Variants in SGMS1 observed in about 807,000 individuals in gnomAD.
SGMS1 encodes sphingomyelin synthase 1, also known as phosphatidylcholine:ceramide cholinephosphotransferase 1.
A neutral mutation model predicts 46.2 loss-of-function variants in SGMS1; 13 were observed. That is an observed-to-expected ratio of 0.28 (90% CI 0.18 to 0.45). The LOEUF (loss-of-function observed/expected upper bound fraction) is 0.45, where lower values mean the gene tolerates loss of function less well. Ranked by LOEUF, SGMS1 falls within the 20% of genes least tolerant of loss-of-function variation. The pLI is 1.00. For missense variants in SGMS1, 324 were observed against 519.9 expected (o/e 0.62, Z 3.66); for synonymous variants, 203 against 187.8 (o/e 1.08, Z -0.66).
In SGMS1 at chr10:50,570,110, T is replaced by C. The variant is rs1163634917; in HGVS notation, c.-589+20043A>G. ...CATGAAAACTAATGGAAAGCTTTTC[T>C]AGGTTTCCCAGCTTCTTATTCCCCG... On this transcript the variant is annotated intron_variant, in intron 2 of 10. Transcript: ENST00000361781. Among the ~76,000 whole-genome samples the C allele has an allele frequency of 2.0e-5, 3 of 152,240 alleles. No individual in the cohort carries two copies. In the East Asian group the frequency reaches 5.8e-4, roughly 29 times the overall value.
At chr10:50,558,182 G>C (rs1838204385) in intron 2 of SGMS1, among the ~76,000 whole-genome samples, 1 of 152,150 alleles carries the variant, frequency 6.6e-6, no homozygotes, top group Non-Finnish European at 1.5e-5. Context: ...ACACCCTCCT[G>C]CCTCTGTGCT....
At chr10:50,569,273 C>T (rs561791431) in intron 2 of SGMS1, among the ~76,000 whole-genome samples, 1 of 136,106 alleles carries the variant, frequency 7.3e-6, no homozygotes, top group African/African-American at 2.7e-5. Flanking sequence ...GCACATTCTG[C>T]ACATGTATCC....
intron 1 of SGMS1, among the ~76,000 whole-genome samples, chr10:50,603,764 AT>A (rs1838669607): frequency 6.6e-6 from 1 of 152,272 alleles, no homozygotes; most frequent in South Asian, 2.1e-4. Flanking sequence ...AAGAAAAAGA[AT>A]TGGTAAAATC....
chr10:50,375,392 G>A (rs1848509139), intron 6 of SGMS1, among the ~76,000 whole-genome samples: 1 of 152,160 alleles, frequency 6.6e-6, no homozygotes, highest in South Asian at 2.1e-4. Context: ...GTAGAGAGGA[G>A]GAATTTTTAA....
intron 5 of SGMS1, among the ~76,000 whole-genome samples, chr10:50,435,876 C>T (rs1238978283): frequency 6.6e-6 from 1 of 152,236 alleles, no homozygotes; most frequent in Non-Finnish European, 1.5e-5. Context: ...AAGTCACCCT[C>T]TTTGGGACTC....
At chr10:50,340,585 T>C (rs1847801433) in intron 7 of SGMS1, 1 of 152,058 alleles carries the variant, frequency 6.6e-6, no homozygotes, top group Non-Finnish European at 1.5e-5. Context: ...TACGTATATA[T>C]AAACATATAT....
chr10:50,621,788 T>C (rs1838852339), intron 1 of SGMS1, among the ~76,000 whole-genome samples: 1 of 152,220 alleles, frequency 6.6e-6, no homozygotes, highest in African/African-American at 2.4e-5. Context: ...GAAGCAGAAA[T>C]GGAAGGAAAG....
rs1847197759 is a variant in SGMS1, at chr10:50,307,736, T to C, written c.1062+246A>G. Among the ~76,000 whole-genome samples the C allele has an allele frequency of 6.6e-6, 1 of 152,198 alleles. No individual in the cohort carries two copies. The highest frequency in any genetic ancestry group is 6.5e-5 in the Admixed American group (1 of 15,278). On this transcript the variant is annotated intron_variant, in intron 10 of 10. Transcript: ENST00000361781. The surrounding 1 kb of genome is among the most constrained non-coding windows in gnomAD (Gnocchi z 4.2). ...CACAAGCTTAGAAAATATTTTTCAT[T>C]TTTCAAGGACAATGAAAGTGCGTTC... is the stretch of plus-strand genomic sequence containing the variant.
At chr10:50,448,064 A>G (rs1196780418) in intron 5 of SGMS1, among the ~76,000 whole-genome samples, 1 of 152,122 alleles carries the variant, frequency 6.6e-6, no homozygotes. Flanking sequence ...CAGGAATCCA[A>G]ACTGTGAAAC....
At chr10:50,621,815 T>A (rs1838852648) in intron 1 of SGMS1, among the ~76,000 whole-genome samples, 1 of 152,394 alleles carries the variant, frequency 6.6e-6, no homozygotes, top group African/African-American at 2.4e-5. Flanking sequence ...TCACTGTTTT[T>A]ACATATCACT....
At chr10:50,437,067 T>G (rs1588824085) in intron 5 of SGMS1, among the ~76,000 whole-genome samples, 1 of 152,222 alleles carries the variant, frequency 6.6e-6, no homozygotes, top group African/African-American at 2.4e-5. Flanking sequence ...AAAGACATAA[T>G]GTCTATACAC....
At chr10:50,548,398 A>G (rs369850001) in intron 2 of SGMS1, among the ~76,000 whole-genome samples, 23 of 152,326 alleles carry the variant, frequency 1.5e-4, no homozygotes, top group African/African-American at 5.1e-4. Flanking sequence ...GAACTCAGAA[A>G]TAAGAGTACA....
chr10:50,623,819 C>T lies in SGMS1; in HGVS notation c.-796G>A, dbSNP rs1241086886. On this transcript the variant is annotated 5_prime_UTR_variant, in exon 1 of 11. Coordinates refer to ENST00000361781, the MANE Select transcript of SGMS1 (RefSeq NM_147156.4). ...CCGCACCCCAATCGCGCTCTCCGACCGGCTCCCTAGGCGCGAGGGGAGAGC... is the reference window on the plus strand; with the variant it reads ...CCGCACCCCAATCGCGCTCTCCGACTGGCTCCCTAGGCGCGAGGGGAGAGC... The T allele has an allele frequency of 1.0e-6, 1 of 985,312 alleles. No homozygotes were observed. Among genetic ancestry groups the T allele is most frequent in the Non-Finnish European group, 1.2e-6 (1 of 829,950 alleles). 61.0% of individuals were successfully genotyped at this position (985,312 alleles called of 1,614,324 possible). A position where few individuals can be genotyped will look rare whatever the true frequency, so the allele number is the denominator to read the frequency against.
intron 6 of SGMS1, among the ~76,000 whole-genome samples, chr10:50,388,471 T>TAAAAAA (rs56992240): frequency 1.2e-5 from 1 of 85,118 alleles, no homozygotes; most frequent in Non-Finnish European, 2.5e-5. Flanking sequence ...CTGTCTCTAC[T>TAAAAAA]AAAAAAAAAA....
At chr10:50,454,475 A>ATC (rs1233685450) in intron 5 of SGMS1, among the ~76,000 whole-genome samples, 1 of 152,166 alleles carries the variant, frequency 6.6e-6, no homozygotes, top group Non-Finnish European at 1.5e-5. Flanking sequence ...CATTATATAT[A>ATC]TAAAGGGGAA....
intron 6 of SGMS1, among the ~76,000 whole-genome samples, chr10:50,392,770 C>T (rs780255058): frequency 6.6e-6 from 1 of 152,098 alleles, no homozygotes; most frequent in African/African-American, 2.4e-5. Context: ...TAAAATACTG[C>T]CCCTCTTTCC....
At chr10:50,403,012 A>T (rs115154058) in intron 6 of SGMS1, among the ~76,000 whole-genome samples, 2,373 of 152,348 alleles carry the variant, frequency 0.016, 59 homozygotes, top group African/African-American at 0.054. Context: ...TCCACTTAGA[A>T]TAATGGCCCC....
intron 3 of SGMS1, among the ~76,000 whole-genome samples, chr10:50,489,223 G>A (rs183946396): frequency 4.9e-4 from 74 of 152,242 alleles, no homozygotes; most frequent in African/African-American, 1.6e-3. Context: ...TACACAAAGC[G>A]TTTGGAGACC....
In SGMS1 at chr10:50,593,159, G is replaced by A. The variant is rs187519904; in HGVS notation, c.-683-2912C>T. On this transcript the variant is annotated intron_variant, in intron 1 of 10. Coordinates refer to ENST00000361781, the MANE Select transcript of SGMS1 (RefSeq NM_147156.4). ...GGAAAGAACTGAGGCCTCTTGCCAAGAACCAGCAAGGAACTGAGGCCTCCT... is the reference window on the plus strand; with the variant it reads ...GGAAAGAACTGAGGCCTCTTGCCAAAAACCAGCAAGGAACTGAGGCCTCCT... Among the ~76,000 whole-genome samples, 141 of 152,342 alleles carry A rather than the reference G, an allele frequency of 9.3e-4. No individual in the cohort carries two copies. The East Asian group carries it at 0.022, about 24-fold the overall frequency.
Sources: allele counts gnomAD v4.1 joint callset (sites outside exome capture counted in the v4.1 genomes callset), GRCh38; gene constraint gnomAD v4.1.1; non-coding constraint Gnocchi (gnomAD v3.1); transcripts MANE v1.5; gene names NCBI Gene and HGNC (gene_info 2026-07-23, HGNC 2026-07-21).